CSMD3: variants seen among roughly 807,000 people sequenced by gnomAD.
CSMD3 encodes CUB and Sushi multiple domains 3.
CSMD3 carries 177 observed loss-of-function variants against 435.2 expected under a neutral mutation model. That is an observed-to-expected ratio of 0.41 (90% confidence interval 0.36 to 0.46). The LOEUF (loss-of-function observed/expected upper bound fraction) is 0.46, where lower values mean the gene tolerates loss of function less well. CSMD3 is among the 20% of genes least tolerant of loss of function. The probability of loss-of-function intolerance (pLI) is 0.34; values close to 1 mark genes in which losing one functional copy is unlikely to be tolerated. For synonymous variants in CSMD3, 1,656 were observed against 1,520.5 expected (o/e 1.09, Z -2.07); for missense variants, 4,265 against 4,504.6 (o/e 0.95, Z 1.52).
intron 9 of CSMD3, among the ~76,000 whole-genome samples, chr8:112,945,167 T>C (rs750845080): frequency 1.3e-5 from 2 of 151,656 alleles, no homozygotes; most frequent in Non-Finnish European, 3.0e-5. Flanking sequence ...AGCCTCATCC[T>C]TAATTCTTTC....
At chr8:112,269,752 A>G (rs936258476) in intron 59 of CSMD3, among the ~76,000 whole-genome samples, 1 of 152,236 alleles carries the variant, frequency 6.6e-6, no homozygotes. Context: ...TGAACATCAT[A>G]GAAAATAACT....
At chr8:113,293,063 C>T (rs1184743856) in intron 2 of CSMD3, among the ~76,000 whole-genome samples, 1 of 151,770 alleles carries the variant, frequency 6.6e-6, no homozygotes, top group African/African-American at 2.4e-5. Context: ...AACCATGACA[C>T]ACCTTCACTC....
intron 32 of CSMD3, among the ~76,000 whole-genome samples, chr8:112,420,877 G>C (rs1812420850): frequency 1.3e-5 from 2 of 151,916 alleles, no homozygotes; most frequent in South Asian, 4.2e-4. Context: ...TTAGCATTAT[G>C]CCCAGATTCA....
rs1234723152 is a variant in CSMD3, at chr8:112,656,228, C to G, written c.2930G>C (p.Ser977Thr). ...GTQVPQFLFS[S>T]SNFIYLLFTT... is the part of the protein sequence containing the mutation. ...AAATAGAAGGTATATAAAATTACTG[C>G]TACTAAATAGAAACTGGGGCACTTG... Residue 977 changes from serine (S) to threonine (T), a missense_variant, in exon 18 of 71, where the codon AGC becomes ACC. By Grantham distance (58) the Ser-to-Thr change is moderately conservative (BLOSUM62 1). Transcript: ENST00000297405. 1 of 1,597,858 alleles carries G rather than the reference C, an allele frequency of 6.3e-7. No individual in the cohort carries two copies. Among genetic ancestry groups the G allele is most frequent in the Admixed American group, 1.7e-5 (1 of 59,956 alleles).
chr8:112,929,387 A>T lies in CSMD3; in HGVS notation c.1509-7636T>A, dbSNP rs12155671. 8.6e-5 allele frequency among the ~76,000 whole-genome samples: 10 copies of T among 116,336 alleles called. No individual in the cohort carries two copies. The East Asian group carries it at 1.1e-3, about 13-fold the overall frequency. The allele number at this position is 116,336 out of a possible 152,430, so 76.3% of individuals were successfully genotyped here. On this transcript the variant is annotated intron_variant, in intron 9 of 70. Coordinates refer to ENST00000297405, the MANE Select transcript of CSMD3 (RefSeq NM_198123.2). ...AAACTTAAAGCATAATAAAAAAAAA[A>T]TTAAAAAAAAAAGATTTCAAGATTT...
chr8:113,223,072 A>G (rs114884742), intron 3 of CSMD3, among the ~76,000 whole-genome samples: 1,534 of 150,570 alleles, frequency 0.01, 22 homozygotes, highest in African/African-American at 0.036. Context: ...ATTTATTTCT[A>G]TTTTTCCAAC....
chr8:113,287,135 C>A (rs573440166), intron 2 of CSMD3, among the ~76,000 whole-genome samples: 1 of 152,058 alleles, frequency 6.6e-6, no homozygotes, highest in East Asian at 1.9e-4. Context: ...CTCCATTGCC[C>A]TTTTTGCTGC....
At chr8:113,334,277 G>GTTTTTTTTTTT (rs199620801) in intron 1 of CSMD3, among the ~76,000 whole-genome samples, 2 of 78,750 alleles carry the variant, frequency 2.5e-5, no homozygotes, top group African/African-American at 3.8e-5. Context: ...GATAGTTTAA[G>GTTTTTTTTTTT]TTTTTTTTTT....
intron 10 of CSMD3, among the ~76,000 whole-genome samples, chr8:112,897,453 T>C (rs1193802066): frequency 1.3e-5 from 2 of 151,320 alleles, no homozygotes; most frequent in African/African-American, 4.8e-5. Context: ...GGAAATAGTC[T>C]AGATATCTAC....
intron 22 of CSMD3, among the ~76,000 whole-genome samples, chr8:112,609,368 T>G (rs1350099980): frequency 6.6e-6 from 1 of 152,066 alleles, no homozygotes; most frequent in African/African-American, 2.4e-5. Flanking sequence ...TCAGTAGACA[T>G]GTCTCCAAAG....
intron 32 of CSMD3, among the ~76,000 whole-genome samples, chr8:112,410,714 A>ATGTATATATATGTGTATATATATATG (rs1811234387): frequency 9.4e-6 from 1 of 106,374 alleles, no homozygotes; most frequent in Non-Finnish European, 2.0e-5. Flanking sequence ...ATATATATAT[A>ATGTATATATATGTGTATATATATATG]TGTATATATA....
At chr8:113,143,617 A>T (rs2091602297) in intron 4 of CSMD3, among the ~76,000 whole-genome samples, 1 of 151,418 alleles carries the variant, frequency 6.6e-6, no homozygotes, top group African/African-American at 2.4e-5. Context: ...TAATGCCAGC[A>T]ATGAAAAAGA....
intron 27 of CSMD3, among the ~76,000 whole-genome samples, chr8:112,545,469 C>T (rs1180515506): frequency 1.9e-5 from 2 of 107,202 alleles, no homozygotes; most frequent in African/African-American, 3.8e-5. Flanking sequence ...GGCGACAGAG[C>T]GAGACTCCAT....
At chr8:112,730,943 T>C (rs1233355726) in intron 13 of CSMD3, among the ~76,000 whole-genome samples, 2 of 152,090 alleles carry the variant, frequency 1.3e-5, no homozygotes. Context: ...AGTGTCATGA[T>C]GCTAAGGAAA....
chr8:113,153,119 A>AAG lies in CSMD3; in HGVS notation c.709+20601_709+20602dup, dbSNP rs1464674647. Among the ~76,000 whole-genome samples, 903 of 104,180 alleles carry AAG rather than the reference A, an allele frequency of 8.7e-3. 5 individuals are homozygous for AAG. The highest frequency in any genetic ancestry group is 0.017 in the East Asian group (61 of 3,496). 68.3% of individuals were successfully genotyped at this position (104,180 alleles called of 152,430 possible). A position where few individuals can be genotyped will look rare whatever the true frequency, so the allele number is the denominator to read the frequency against. On this transcript the variant is annotated intron_variant, in intron 4 of 70. Transcript: ENST00000297405. ...AAGAAAGAAAAGAAAGAAAGAAAGA[A>AAG]AGAAAGAGAAAGAAGGAAGGAAGGA...
chr8:113,039,132 T>C (rs1169025790), intron 5 of CSMD3, among the ~76,000 whole-genome samples: 1 of 152,164 alleles, frequency 6.6e-6, no homozygotes, highest in African/African-American at 2.4e-5. Context: ...CCATGGTATA[T>C]AACTCTATAA....
At position 112,406,638 on chromosome 8, in the gene CSMD3, A is replaced by C; in HGVS notation, c.5695T>G (p.Ser1899Ala). ...RIGNEFAVGS[S>A]VLFDCNPGYI... The stretch of plus-strand genomic sequence containing the variant: ...CCTGGATTACAATCAAAAAGAACCG[A>C]TGAACCGACTGCAAATTCATTGCCA... Residue 1899 changes from serine (S) to alanine (A), a missense_variant, in exon 35 of 71, where the codon TCG (serine) becomes GCG (alanine). Coordinates refer to ENST00000297405, the MANE Select transcript of CSMD3 (RefSeq NM_198123.2). The C allele has an allele frequency of 6.2e-7, 1 of 1,612,758 alleles. No individual in the cohort carries two copies. Among genetic ancestry groups the C allele is most frequent in the Non-Finnish European group, 8.5e-7 (1 of 1,179,002 alleles).
intron 6 of CSMD3, among the ~76,000 whole-genome samples, chr8:113,006,515 T>C (rs2086063189): frequency 6.6e-6 from 1 of 151,894 alleles, no homozygotes; most frequent in Non-Finnish European, 1.5e-5. Flanking sequence ...TTTTTTGCAG[T>C]TGGCACACAA....
At chr8:112,984,769 T>C (rs1312471497) in intron 6 of CSMD3, among the ~76,000 whole-genome samples, 3 of 152,138 alleles carry the variant, frequency 2.0e-5, no homozygotes, top group East Asian at 3.8e-4. Flanking sequence ...AACCCTATCT[T>C]GTATTCATTC....
Sources: allele counts gnomAD v4.1 joint callset (sites outside exome capture counted in the v4.1 genomes callset), GRCh38; gene constraint gnomAD v4.1.1; transcripts MANE v1.5; gene names NCBI Gene and HGNC (gene_info 2026-07-23, HGNC 2026-07-21).